RPS6KA2: variants seen among roughly 807,000 people sequenced by gnomAD.
RPS6KA2 encodes the protein ribosomal protein S6 kinase alpha-2.
A neutral mutation model predicts 91.8 loss-of-function variants in RPS6KA2; 42 were observed. The ratio of observed to expected loss-of-function variants is 0.46; its 90% CI spans 0.36 to 0.59. RPS6KA2 has a LOEUF of 0.59. Among genes scored for constraint, RPS6KA2 ranks in the 20% least tolerant of loss-of-function variants. RPS6KA2 has a pLI of 0.00. For missense variants in RPS6KA2, 798 were observed against 978.5 expected (o/e 0.82, Z 2.46); for synonymous variants, 414 against 393.6 (o/e 1.05, Z -0.61).
chr6:166,618,201 T>C (rs1786489611), intron 1 of RPS6KA2, among the ~76,000 whole-genome samples: 4 of 152,236 alleles, frequency 2.6e-5, no homozygotes, highest in Admixed American at 2.6e-4. Flanking sequence ...GTGCTTTCTG[T>C]GCAGCACACT....
intron 1 of RPS6KA2, among the ~76,000 whole-genome samples, chr6:166,600,955 T>C (rs895672704): frequency 2.0e-5 from 3 of 152,252 alleles, no homozygotes; most frequent in African/African-American, 7.2e-5. Flanking sequence ...TAAAATACTC[T>C]GCATATCCAA....
intron 3 of RPS6KA2, among the ~76,000 whole-genome samples, chr6:166,522,786 T>C (rs1001085998): frequency 3.9e-5 from 6 of 152,284 alleles, no homozygotes; most frequent in African/African-American, 1.4e-4. Context: ...GTGGCTAAAC[T>C]TTTGGGGGCA....
intron 3 of RPS6KA2, among the ~76,000 whole-genome samples, chr6:166,527,250 C>T (rs993795244): frequency 5.9e-5 from 9 of 152,062 alleles, no homozygotes; most frequent in East Asian, 3.9e-4. Flanking sequence ...CCTTCAGTGG[C>T]GGGGGAGGGT....
At chr6:166,545,186 T>A (rs1478585383) in intron 1 of RPS6KA2, among the ~76,000 whole-genome samples, 1 of 151,994 alleles carries the variant, frequency 6.6e-6, no homozygotes, top group African/African-American at 2.4e-5. Context: ...ATTTTCAGAG[T>A]TTGAACTGCA....
At position 166,776,384 on chromosome 6, in the gene RPS6KA2, T is replaced by C. The variant is rs914777812; in HGVS notation, c.123+81816A>G. 3.3e-5 allele frequency among the ~76,000 whole-genome samples: 5 copies of C among 152,374 alleles called. No homozygotes were observed. In the South Asian group the frequency reaches 1.0e-3, roughly 32 times the overall value. ...GTCCTGGGGGCATTTTCCGTTTCTG[T>C]AATCTTCCAGGTTAGATTTCTTGTT... On this transcript the variant is annotated intron_variant, in intron 2 of 21. Coordinates refer to the RPS6KA2 transcript ENST00000503859.
Position 166,494,754 on chromosome 6 carries a change from G to A in RPS6KA2, c.747+3754C>T, listed in dbSNP as rs1382467470. The stretch of plus-strand genomic sequence containing the variant: ...CCTTCCAGGTCTGGGGAGGGCACTT[G>A]TGGATGCTGCTCCTCGGGAAGAGAT... On this transcript the variant is annotated intron_variant, in intron 8 of 20. Transcript: ENST00000265678. This position sits in a 1 kb window ranked among gnomAD's most constrained non-coding sequence, Gnocchi z 5.1. Among the ~76,000 whole-genome samples, 1 of 152,186 alleles carries A rather than the reference G, an allele frequency of 6.6e-6. No homozygotes were observed. Among genetic ancestry groups the A allele is most frequent in the Non-Finnish European group, 1.5e-5 (1 of 68,018 alleles).
chr6:166,781,775 A>G (rs1778780290), intron 2 of RPS6KA2, among the ~76,000 whole-genome samples: 1 of 152,220 alleles, frequency 6.6e-6, no homozygotes, highest in African/African-American at 2.4e-5. Flanking sequence ...AGCCAGGCAG[A>G]TGGAGAAGCA....
chr6:166,684,752 A>C (rs896806913), intron 2 of RPS6KA2, among the ~76,000 whole-genome samples: 2 of 152,116 alleles, frequency 1.3e-5, no homozygotes, highest in Non-Finnish European at 2.9e-5. Flanking sequence ...TCCAGCCTAC[A>C]TCGCTTTTAC....
rs1304023587 is a variant in RPS6KA2, at chr6:166,733,484, T to C, written c.123+124716A>G. ...GGACCCTTACAGTACGAGTTTTGGGTACTAACCCCATGGCTGACCTTTCTG... is the reference window on the plus strand; with the variant it reads ...GGACCCTTACAGTACGAGTTTTGGGCACTAACCCCATGGCTGACCTTTCTG... On this transcript the variant is annotated intron_variant, in intron 2 of 21. Transcript: ENST00000503859. This position sits in a 1 kb window ranked among gnomAD's most constrained non-coding sequence, Gnocchi z 4.1. 2.0e-5 allele frequency among the ~76,000 whole-genome samples: 3 copies of C among 152,344 alleles called. No individual in the cohort carries two copies. The South Asian group carries it at 6.2e-4, about 32-fold the overall frequency.
intron 10 of RPS6KA2, among the ~76,000 whole-genome samples, chr6:166,477,995 ACGTTTG>A (rs1781040816): frequency 1.3e-5 from 2 of 152,232 alleles, no homozygotes; most frequent in African/African-American, 4.8e-5. Flanking sequence ...GCTCTCATGT[ACGTTTG>A]GATGAATAAA....
At position 166,445,213 on chromosome 6, in the gene RPS6KA2, G is replaced by A. The variant is rs565445916; in HGVS notation, c.1332+3511C>T. ...TAGAAGGACCTGCACTTTAAGTCACGGCCCAGTCACAGTGGGGTGGGGGTG... is the reference window on the plus strand; with the variant it reads ...TAGAAGGACCTGCACTTTAAGTCACAGCCCAGTCACAGTGGGGTGGGGGTG... On this transcript the variant is annotated intron_variant, in intron 14 of 20. Transcript: ENST00000265678. This position sits in a 1 kb window ranked among gnomAD's most constrained non-coding sequence, Gnocchi z 4.5. 2.0e-5 allele frequency among the ~76,000 whole-genome samples: 3 copies of A among 151,818 alleles called. No homozygotes were observed. The highest frequency in any genetic ancestry group is 4.2e-4 in the South Asian group (2 of 4,792).
intron 14 of RPS6KA2, among the ~76,000 whole-genome samples, chr6:166,436,734 G>T (rs890262086): frequency 2.6e-5 from 4 of 152,210 alleles, no homozygotes; most frequent in African/African-American, 9.6e-5. Flanking sequence ...GGGTGGGTTT[G>T]CATGGGAAAT....
At chr6:166,451,356 T>TGC (rs1554275060) in intron 12 of RPS6KA2, 123 bp from the exon 13 acceptor site, 5 of 1,097,906 alleles carry the variant, frequency 4.6e-6, no homozygotes, top group East Asian at 4.9e-5. Flanking sequence ...TGTGTGTGTG[T>TGC]GTGCACGTGG....
Position 166,702,721 on chromosome 6 carries a change from G to A in RPS6KA2, c.123+155479C>T, listed in dbSNP as rs1227434348. On this transcript the variant is annotated intron_variant, in intron 2 of 21. Transcript: ENST00000503859. ...GATCTCGTCTGGGCAGTCCACGAAC[G>A]CGTAGCCAATCTTCACCAGGAAGGG... The A allele has an allele frequency of 1.8e-5, 23 of 1,277,006 alleles. No individual in the cohort carries two copies. The African/African-American group carries it at 2.9e-4, about 16-fold the overall frequency. 79.1% of individuals were successfully genotyped at this position (1,277,006 alleles called of 1,614,324 possible). A position where few individuals can be genotyped will look rare whatever the true frequency, so the allele number is the denominator to read the frequency against.
At chr6:166,548,844 C>T (rs1393382637) in intron 1 of RPS6KA2, among the ~76,000 whole-genome samples, 1 of 152,158 alleles carries the variant, frequency 6.6e-6, no homozygotes. Flanking sequence ...CAAACTTCAT[C>T]AAAATTTAAA....
intron 2 of RPS6KA2, among the ~76,000 whole-genome samples, chr6:166,718,631 T>G (rs906893110): frequency 2.0e-5 from 3 of 152,158 alleles, no homozygotes; most frequent in Admixed American, 2.0e-4. Context: ...CCCCCAAACA[T>G]GAATTAATGA....
At chr6:166,784,241 G>A (rs1296998444) in intron 2 of RPS6KA2, among the ~76,000 whole-genome samples, 33 of 124 alleles carry the variant, frequency 0.27, 15 homozygotes, top group East Asian at 1. Flanking sequence ...AACCACATAT[G>A]CACACGTGCA....
At position 166,557,902 on chromosome 6, in the gene RPS6KA2, A is replaced by G. The variant is rs988939413; in HGVS notation, c.100-19118T>C. 1.3e-5 allele frequency among the ~76,000 whole-genome samples: 2 copies of G among 152,140 alleles called. No homozygotes were observed. Among genetic ancestry groups the G allele is most frequent in the African/African-American group, 4.8e-5 (2 of 41,428 alleles). Reference sequence around the variant, plus strand: ...GTATGTCAGGGTTCTTCAGAAAAACAAAACCAGTAGGTGATATGTGTGTAT... The same window carrying G: ...GTATGTCAGGGTTCTTCAGAAAAACGAAACCAGTAGGTGATATGTGTGTAT... On this transcript the variant is annotated intron_variant, in intron 1 of 20. Coordinates refer to ENST00000265678, the MANE Select transcript of RPS6KA2 (RefSeq NM_021135.6). The surrounding 1 kb of genome is among the most constrained non-coding windows in gnomAD (Gnocchi z 4.8).
At chr6:166,531,719 G>T (rs187127038) in intron 2 of RPS6KA2, among the ~76,000 whole-genome samples, 9 of 147,810 alleles carry the variant, frequency 6.1e-5, no homozygotes, top group Admixed American at 5.3e-4. Flanking sequence ...CACAAAACAG[G>T]CTCTATCCGA....
Sources: gnomAD v4.1 joint callset for allele counts (sites outside exome capture counted in the v4.1 genomes callset) on GRCh38, gnomAD v4.1.1 for gene constraint, Gnocchi (gnomAD v3.1) non-coding constraint, MANE v1.5 for transcripts, NCBI Gene and HGNC (gene_info 2026-07-23, HGNC 2026-07-21) for gene names.